Variants in CACNA2D3 observed in about 807,000 individuals in gnomAD.
CACNA2D3 encodes calcium voltage-gated channel auxiliary subunit alpha2delta 3.
A neutral mutation model predicts 160.6 loss-of-function variants in CACNA2D3; 60 were observed. The observed-to-expected ratio is 0.37, with a 90% CI of 0.30 to 0.46. The LOEUF is 0.46. CACNA2D3 is among the 20% of genes least tolerant of loss of function. The pLI is 1.00. For missense variants in CACNA2D3, 1,205 were observed against 1,365.0 expected, an observed-to-expected ratio of 0.88 and a Z score of 1.85; for synonymous variants, 558 against 492.9, an observed-to-expected ratio of 1.13 and a Z score of -1.75.
At chr3:54,568,884 G>T (rs1702449692) in intron 6 of CACNA2D3, among the ~76,000 whole-genome samples, 1 of 152,168 alleles carries the variant, frequency 6.6e-6, no homozygotes, top group Admixed American at 6.5e-5. Flanking sequence ...AGCCCATTGT[G>T]GTCCTGTAGA....
intron 29 of CACNA2D3, among the ~76,000 whole-genome samples, chr3:54,981,521 A>G (rs1280981349): frequency 1.3e-5 from 2 of 152,092 alleles, no homozygotes; most frequent in African/African-American, 2.4e-5. Context: ...AAAGAGAGGA[A>G]AAAGGAGAGA....
At chr3:54,279,947 G>A (rs1488405255) in intron 2 of CACNA2D3, among the ~76,000 whole-genome samples, 1 of 152,144 alleles carries the variant, frequency 6.6e-6, no homozygotes. Flanking sequence ...TATACCCTGT[G>A]TTTTCAGTGG....
chr3:54,320,020 C>T (rs979361034), intron 2 of CACNA2D3, among the ~76,000 whole-genome samples: 1 of 152,146 alleles, frequency 6.6e-6, no homozygotes, highest in East Asian at 1.9e-4. Context: ...CTTCATGGAC[C>T]CTGAAAGGGT....
intron 35 of CACNA2D3, among the ~76,000 whole-genome samples, chr3:55,067,463 T>C (rs1230186909): frequency 6.6e-6 from 1 of 152,220 alleles, no homozygotes; most frequent in African/African-American, 2.4e-5. Flanking sequence ...CATATAGCTG[T>C]GGTAAGAGTT....
chr3:54,500,538 TTCCTTCCTTCC>T lies in CACNA2D3; in HGVS notation c.382-2952_382-2942del, dbSNP rs1433803378. On this transcript the variant is annotated intron_variant, in intron 4 of 37. Coordinates refer to ENST00000474759, the MANE Select transcript of CACNA2D3 (RefSeq NM_018398.3). ...CTTCCTTCCTTCCTTCCTTCCTTCC[TTCCTTCCTTCC>T]TTCCTTTCTCTCTCTTTCTTTTCTT... 2.0e-5 allele frequency among the ~76,000 whole-genome samples: 3 copies of T among 149,984 alleles called. No individual in the cohort carries two copies. In the East Asian group the frequency reaches 5.8e-4, roughly 29 times the overall value.
At chr3:54,740,995 C>T (rs980581155) in intron 11 of CACNA2D3, among the ~76,000 whole-genome samples, 1 of 152,160 alleles carries the variant, frequency 6.6e-6, no homozygotes, top group Admixed American at 6.5e-5. Flanking sequence ...TACTGTGGGG[C>T]TTTGGCCCCA....
At chr3:54,407,710 G>A (rs763220591) in intron 4 of CACNA2D3, among the ~76,000 whole-genome samples, 27 of 152,206 alleles carry the variant, frequency 1.8e-4, no homozygotes, top group Non-Finnish European at 3.7e-4. Flanking sequence ...GTGGTCACAT[G>A]TTATGCTCAT....
At chr3:54,346,700 G>C (rs1399297339) in intron 3 of CACNA2D3, among the ~76,000 whole-genome samples, 2 of 152,018 alleles carry the variant, frequency 1.3e-5, no homozygotes, top group Non-Finnish European at 2.9e-5. Context: ...ATTAACTAAA[G>C]TCTATAATTT....
chr3:54,544,067 T>C (rs1702023968), intron 5 of CACNA2D3, among the ~76,000 whole-genome samples: 1 of 152,210 alleles, frequency 6.6e-6, no homozygotes, highest in African/African-American at 2.4e-5. Context: ...TAAATAGGCT[T>C]TGAGTTATTC....
intron 5 of CACNA2D3, among the ~76,000 whole-genome samples, chr3:54,546,069 T>A (rs1702059094): frequency 6.6e-6 from 1 of 152,080 alleles, no homozygotes; most frequent in South Asian, 2.1e-4. Context: ...TAGGAAAAGA[T>A]GTGATGACTG....
chr3:54,482,876 G>A (rs755095088), intron 4 of CACNA2D3, among the ~76,000 whole-genome samples: 1 of 152,140 alleles, frequency 6.6e-6, no homozygotes, highest in Non-Finnish European at 1.5e-5. Context: ...CTGTACTTTA[G>A]ATAGGAAGTG....
intron 2 of CACNA2D3, among the ~76,000 whole-genome samples, chr3:54,152,970 A>G (rs1002775290): frequency 1.3e-5 from 2 of 152,210 alleles, no homozygotes; most frequent in African/African-American, 4.8e-5. Context: ...GCAGGAATCC[A>G]GGGCTTGGGA....
chr3:54,915,812 A>C (rs569643370), intron 27 of CACNA2D3, among the ~76,000 whole-genome samples: 102 of 152,344 alleles, frequency 6.7e-4, no homozygotes, highest in African/African-American at 2.4e-3. Context: ...CTGTAGGCAA[A>C]AGATAGAAAT....
At chr3:54,585,345 C>A (rs1702741958) in intron 9 of CACNA2D3, among the ~76,000 whole-genome samples, 2 of 151,786 alleles carry the variant, frequency 1.3e-5, no homozygotes, top group Admixed American at 6.6e-5. Context: ...ACCATAATAC[C>A]TACAGCAACC....
At chr3:54,710,395 A>C (rs1700932667) in intron 11 of CACNA2D3, among the ~76,000 whole-genome samples, 1 of 152,242 alleles carries the variant, frequency 6.6e-6, no homozygotes, top group South Asian at 2.1e-4. Context: ...CAGATTGAAT[A>C]GTTCTATTGG....
intron 2 of CACNA2D3, among the ~76,000 whole-genome samples, chr3:54,287,322 A>G (rs1017419643): frequency 6.6e-6 from 1 of 152,200 alleles, no homozygotes; most frequent in Non-Finnish European, 1.5e-5. Context: ...ATCAAAAGAG[A>G]CAAAGAAGGC....
rs1158966362 is a variant in CACNA2D3, at chr3:55,074,439, A to T, written c.*233A>T. ...CATGCAAATGTGAGTTTGCCACATG[A>T]TAATCACCCTTCATCAGAAATGGGA... On this transcript the variant is annotated 3_prime_UTR_variant, in exon 38 of 38. Coordinates refer to ENST00000474759, the MANE Select transcript of CACNA2D3 (RefSeq NM_018398.3). The T allele has an allele frequency of 3.7e-6, 2 of 533,620 alleles. No individual in the cohort carries two copies. Among genetic ancestry groups the T allele is most frequent in the Non-Finnish European group, 6.7e-6 (2 of 298,272 alleles). The allele number at this position is 533,620 out of a possible 1,614,324, so 33.1% of individuals were successfully genotyped here.
chr3:54,886,441 A>G (rs1699927608), intron 23 of CACNA2D3, among the ~76,000 whole-genome samples: 2 of 152,168 alleles, frequency 1.3e-5, no homozygotes, highest in African/African-American at 4.8e-5. Flanking sequence ...AAGTATAGAG[A>G]CAATATGAAT....
intron 31 of CACNA2D3, among the ~76,000 whole-genome samples, chr3:55,002,689 T>C (rs2107135018): frequency 6.6e-6 from 1 of 152,352 alleles, no homozygotes; most frequent in Middle Eastern, 3.4e-3. Flanking sequence ...GAAGAAATAT[T>C]CTGATGAAGA....
Sources: gnomAD v4.1 joint callset for allele counts (sites outside exome capture counted in the v4.1 genomes callset) on GRCh38, gnomAD v4.1.1 for gene constraint, MANE v1.5 for transcripts, NCBI Gene and HGNC (gene_info 2026-07-23, HGNC 2026-07-21) for gene names.